Variants in CCDC148 observed in about 807,000 individuals in gnomAD.
CCDC148 encodes coiled-coil domain containing 148.
Under a neutral mutation model 85.7 loss-of-function variants are expected in CCDC148, and 89 were observed. That is an observed-to-expected ratio of 1.04 (90% CI 0.87 to 1.24). The LOEUF is 1.24. Among genes scored for constraint, CCDC148 ranks in the 50% most tolerant of loss-of-function variants. The pLI is 0.00. For missense variants in CCDC148, 692 were observed against 671.7 expected (o/e 1.03, Z -0.33); for synonymous variants, 230 against 213.9 (o/e 1.08, Z -0.66).
At chr2:158,434,622 G>A (rs1375602525) in intron 1 of CCDC148, among the ~76,000 whole-genome samples, 6 of 152,174 alleles carry the variant, frequency 3.9e-5, no homozygotes, top group Admixed American at 3.9e-4. Context: ...GACGGAGAAT[G>A]AATTTGACGA....
intron 9 of CCDC148, among the ~76,000 whole-genome samples, chr2:158,300,385 C>T (rs959229802): frequency 2.0e-5 from 3 of 152,096 alleles, no homozygotes; most frequent in African/African-American, 7.2e-5. Context: ...TTCCTGTTTG[C>T]ACTTCTTTTG....
chr2:158,288,559 C>T lies in CCDC148; in HGVS notation c.1110+20874G>A, dbSNP rs192982523. 1,032 of 154,824 alleles carry T rather than the reference C, an allele frequency of 6.7e-3. 7 individuals are homozygous for T. Among genetic ancestry groups the T allele is most frequent in the Middle Eastern group, 0.02 (6 of 306 alleles). The allele number at this position is 154,824 out of a possible 1,614,324, so 9.6% of individuals were successfully genotyped here. On this transcript the variant is annotated intron_variant, in intron 9 of 13. Coordinates refer to ENST00000283233, the MANE Select transcript of CCDC148 (RefSeq NM_138803.4). ...TCTTTGCTCCAGTTCCCAATAAGTT[C>T]CTCATCTCCATCTGAGGCCACCTCA... is the stretch of plus-strand genomic sequence containing the variant.
intron 1 of CCDC148, among the ~76,000 whole-genome samples, chr2:158,411,152 C>T (rs760669792): frequency 3.9e-5 from 6 of 152,068 alleles, no homozygotes; most frequent in Non-Finnish European, 7.4e-5. Flanking sequence ...TTATAATGTG[C>T]CTCAGAGTAG....
chr2:158,286,967 T>C (rs930389886), intron 9 of CCDC148, among the ~76,000 whole-genome samples: 55 of 152,144 alleles, frequency 3.6e-4, no homozygotes, highest in African/African-American at 1.3e-3. Context: ...AAGAAAAAGA[T>C]GTTTAATTGG....
intron 1 of CCDC148, among the ~76,000 whole-genome samples, chr2:158,375,245 C>A (rs1684606321): frequency 6.6e-6 from 1 of 151,966 alleles, no homozygotes; most frequent in Admixed American, 6.6e-5. Flanking sequence ...TCATACAAAC[C>A]CTGTGAAGGC....
rs114729615 is a variant in CCDC148 at position 158,371,472 on chromosome 2, A to C, written c.26-12902T>G. On this transcript the variant is annotated intron_variant, in intron 1 of 13. Coordinates refer to ENST00000283233, the MANE Select transcript of CCDC148 (RefSeq NM_138803.4). ...TACTTGCCTCTAACAGAAGAGCTGG[A>C]GGAACAGTTGCATTTAGCCCTGGTA... Among the ~76,000 whole-genome samples the C allele has an allele frequency of 7.4e-3, 1,125 of 152,140 alleles. 20 individuals are homozygous for C. Among genetic ancestry groups the C allele is most frequent in the African/African-American group, 0.026 (1,074 of 41,544 alleles).
At chr2:158,303,666 C>T (rs1177722571) in intron 9 of CCDC148, among the ~76,000 whole-genome samples, 1 of 152,168 alleles carries the variant, frequency 6.6e-6, no homozygotes, top group Non-Finnish European at 1.5e-5. Context: ...ATCCATTTTA[C>T]TATAGTGTAC....
chr2:158,419,965 C>T (rs1223244801), intron 1 of CCDC148: 2 of 152,172 alleles, frequency 1.3e-5, no homozygotes, highest in African/African-American at 4.8e-5. Context: ...TCTGCCATCA[C>T]TACTGCAGCA....
intron 9 of CCDC148, among the ~76,000 whole-genome samples, chr2:158,280,551 G>C (rs1422268183): frequency 1.3e-5 from 2 of 152,286 alleles, no homozygotes; most frequent in East Asian, 3.9e-4. Context: ...TAATGGTAAA[G>C]GGATCAATTC....
At chr2:158,354,249 G>A (rs1047566718) in intron 2 of CCDC148, among the ~76,000 whole-genome samples, 14 of 152,040 alleles carry the variant, frequency 9.2e-5, no homozygotes, top group Non-Finnish European at 1.3e-4. Context: ...GAAGGAAATA[G>A]AGACACAAAA....
At chr2:158,194,103 C>T (rs1315028711) in intron 11 of CCDC148, among the ~76,000 whole-genome samples, 1 of 151,970 alleles carries the variant, frequency 6.6e-6, no homozygotes, top group Non-Finnish European at 1.5e-5. Context: ...TAAGTTATTA[C>T]TCAACTAACA....
chr2:158,253,239 T>C (rs1014273837), intron 9 of CCDC148, among the ~76,000 whole-genome samples: 2 of 151,752 alleles, frequency 1.3e-5, no homozygotes, highest in Admixed American at 6.6e-5. Flanking sequence ...AAGGATGATG[T>C]CAACTGATCA....
chr2:158,248,765 A>T (rs1688673635), intron 10 of CCDC148, among the ~76,000 whole-genome samples: 1 of 152,144 alleles, frequency 6.6e-6, no homozygotes, highest in Admixed American at 6.6e-5. Context: ...AGGAGAGGAT[A>T]TTTAATTTAC....
At chr2:158,345,339 G>A in intron 2 of CCDC148, 21 bp from the exon 3 acceptor site, 1 of 1,545,196 alleles carries the variant, frequency 6.5e-7, no homozygotes, top group Non-Finnish European at 8.9e-7. Flanking sequence ...AGGAACAAAA[G>A]AGGAGCAACT....
At chr2:158,417,408 T>C (rs1208353745) in intron 1 of CCDC148, among the ~76,000 whole-genome samples, 4 of 152,234 alleles carry the variant, frequency 2.6e-5, no homozygotes, top group Non-Finnish European at 4.4e-5. Context: ...CTTGGATTCA[T>C]GACTGCTCAT....
At chr2:158,434,190 C>A (rs1464856533) in intron 1 of CCDC148, among the ~76,000 whole-genome samples, 2 of 152,264 alleles carry the variant, frequency 1.3e-5, no homozygotes, top group African/African-American at 4.8e-5. Context: ...GTCCCTGATC[C>A]CTGAGTAGCC....
intron 8 of CCDC148, 44 bp from the exon 9 acceptor site, chr2:158,309,683 A>G: frequency 7.5e-7 from 1 of 1,333,142 alleles, no homozygotes; most frequent in Admixed American, 2.2e-5. Context: ...TATGAAAATG[A>G]GCTTACATTT....
At chr2:158,441,696 G>C (rs1687938724) in intron 1 of CCDC148, among the ~76,000 whole-genome samples, 1 of 152,006 alleles carries the variant, frequency 6.6e-6, no homozygotes. Flanking sequence ...ATCTGAAAAA[G>C]TACATGTACT....
chr2:158,434,976 G>A lies in CCDC148; in HGVS notation c.25+21439C>T, dbSNP rs551228175. The stretch of plus-strand genomic sequence containing the variant: ...AAGCCTCCAAGAAATATGGGACTAT[G>A]TGAAAAGACCAAATCTATGTCTGAT... On this transcript the variant is annotated intron_variant, in intron 1 of 13. Coordinates refer to ENST00000283233, the MANE Select transcript of CCDC148 (RefSeq NM_138803.4). Among the ~76,000 whole-genome samples, 22 of 152,338 alleles carry A rather than the reference G, an allele frequency of 1.4e-4. No individual in the cohort carries two copies. The South Asian group carries it at 4.6e-3, about 32-fold the overall frequency.
Sources: gnomAD v4.1 joint callset for allele counts (sites outside exome capture counted in the v4.1 genomes callset) on GRCh38, gnomAD v4.1.1 for gene constraint, MANE v1.5 for transcripts, NCBI Gene and HGNC (gene_info 2026-07-23, HGNC 2026-07-21) for gene names.